NOL10: variants seen among roughly 807,000 people sequenced by gnomAD.
NOL10 encodes H_NH0074G24.1.
Under a neutral mutation model 103.5 loss-of-function variants are expected in NOL10, and 58 were observed. The observed-to-expected ratio is 0.56, with a 90% confidence interval of 0.45 to 0.70. The LOEUF is 0.70. NOL10 is among the 30% of genes least tolerant of loss of function. The probability of loss-of-function intolerance (pLI) is 0.00; values close to 1 mark genes in which losing one functional copy is unlikely to be tolerated. For synonymous variants in NOL10, 287 were observed against 282.5 expected, an observed-to-expected ratio of 1.02 and a Z score of -0.16; for missense variants, 763 against 807.3, an observed-to-expected ratio of 0.95 and a Z score of 0.67.
intron 5 of NOL10, among the ~76,000 whole-genome samples, chr2:10,672,060 G>A (rs1463500194): frequency 6.6e-6 from 1 of 152,154 alleles, no homozygotes; most frequent in African/African-American, 2.4e-5. Context: ...GGGCATGGTG[G>A]CTCACACCTG....
At chr2:10,639,232 C>G (rs1419016155) in intron 13 of NOL10, among the ~76,000 whole-genome samples, 1 of 152,102 alleles carries the variant, frequency 6.6e-6, no homozygotes, top group Non-Finnish European at 1.5e-5. Context: ...ACTATCCTGG[C>G]TAACACAGTG....
intron 12 of NOL10, among the ~76,000 whole-genome samples, chr2:10,649,041 A>T (rs555580323): frequency 2.6e-5 from 4 of 152,196 alleles, no homozygotes; most frequent in Non-Finnish European, 5.9e-5. Flanking sequence ...TGGATGTAAG[A>T]TAATATTAGA....
At chr2:10,635,331 T>A (rs1678129602) in intron 13 of NOL10, among the ~76,000 whole-genome samples, 1 of 152,208 alleles carries the variant, frequency 6.6e-6, no homozygotes, top group Non-Finnish European at 1.5e-5. Context: ...ACGTTCTCTA[T>A]CGGCCAACAT....
chr2:10,658,971 T>C (rs1224403531), intron 10 of NOL10, among the ~76,000 whole-genome samples: 1 of 152,122 alleles, frequency 6.6e-6, no homozygotes, highest in Non-Finnish European at 1.5e-5. Context: ...ACTGCAGCTC[T>C]AAGTCCACAG....
At chr2:10,592,857 T>G (rs1675461488) in intron 17 of NOL10, among the ~76,000 whole-genome samples, 1 of 152,200 alleles carries the variant, frequency 6.6e-6, no homozygotes, top group South Asian at 2.1e-4. Flanking sequence ...AGTCTGTTTG[T>G]TTTCACAGCT....
chr2:10,603,010 T>C (rs1676061824), intron 15 of NOL10, 68 bp downstream of exon 15: 1 of 1,315,738 alleles, frequency 7.6e-7, no homozygotes, highest in East Asian at 2.4e-5. Context: ...AAAGTGCGAG[T>C]AGTGAGGAAA....
intron 16 of NOL10, among the ~76,000 whole-genome samples, chr2:10,602,391 T>C (rs1194972314): frequency 2.0e-5 from 3 of 152,210 alleles, no homozygotes; most frequent in Non-Finnish European, 4.4e-5. Context: ...CTGTCGACCA[T>C]TTCCCATGAT....
intron 13 of NOL10, among the ~76,000 whole-genome samples, chr2:10,609,795 G>C (rs904645537): frequency 6.6e-6 from 1 of 152,072 alleles, no homozygotes; most frequent in Non-Finnish European, 1.5e-5. Flanking sequence ...TTCTTTTCTA[G>C]ACGAGATCAA....
At chr2:10,583,837 A>G (rs1239005427) in intron 19 of NOL10, among the ~76,000 whole-genome samples, 1 of 152,166 alleles carries the variant, frequency 6.6e-6, no homozygotes, top group African/African-American at 2.4e-5. Context: ...TCTAAAATGG[A>G]GATATTCTGC....
intron 12 of NOL10, among the ~76,000 whole-genome samples, chr2:10,647,188 A>ATGCAGTGCACT (rs1553308508): frequency 6.6e-6 from 1 of 150,524 alleles, no homozygotes; most frequent in Non-Finnish European, 1.5e-5. Context: ...TATAGTGTAT[A>ATGCAGTGCACT]GTACGCTGTA....
At chr2:10,660,102 C>A (rs1438147189) in intron 9 of NOL10, among the ~76,000 whole-genome samples, 1 of 152,128 alleles carries the variant, frequency 6.6e-6, no homozygotes. Context: ...CGTCCACATG[C>A]CCTTGGCCCA....
At chr2:10,680,342 G>A (rs893007516) in intron 3 of NOL10, among the ~76,000 whole-genome samples, 1 of 124,324 alleles carries the variant, frequency 8.0e-6, no homozygotes, top group African/African-American at 3.1e-5. Context: ...GGGAGAAGAG[G>A]GAGAGGGAGA....
At chr2:10,587,263 A>T (rs1429711628) in intron 19 of NOL10, among the ~76,000 whole-genome samples, 5 of 25,226 alleles carry the variant, frequency 2.0e-4, no homozygotes, top group South Asian at 1.2e-3. Flanking sequence ...ATATACACAT[A>T]TATATATATA....
At chr2:10,596,422 A>G (rs1675698331) in intron 17 of NOL10, among the ~76,000 whole-genome samples, 1 of 152,200 alleles carries the variant, frequency 6.6e-6, no homozygotes, top group South Asian at 2.1e-4. Context: ...TCCTGCAACT[A>G]GAAAGTCCCA....
intron 13 of NOL10, among the ~76,000 whole-genome samples, chr2:10,629,672 A>G (rs1324659994): frequency 6.6e-6 from 1 of 152,234 alleles, no homozygotes; most frequent in Non-Finnish European, 1.5e-5. Flanking sequence ...CTGTTTCAAT[A>G]GTCAATGGCA....
intron 19 of NOL10, among the ~76,000 whole-genome samples, chr2:10,583,378 C>T (rs369116091): frequency 1.3e-5 from 2 of 152,150 alleles, no homozygotes; most frequent in African/African-American, 4.8e-5. Flanking sequence ...TATACAATGA[C>T]GCTAAATCTC....
chr2:10,667,732 A>T (rs964466149), intron 7 of NOL10, among the ~76,000 whole-genome samples: 6 of 152,080 alleles, frequency 3.9e-5, no homozygotes, highest in Admixed American at 3.9e-4. Flanking sequence ...GGGGGTTGTT[A>T]TGGGGATTAA....
intron 13 of NOL10, chr2:10,634,508 G>C (rs1169394865): frequency 6.6e-6 from 3 of 456,552 alleles, no homozygotes; most frequent in African/African-American, 2.0e-5. Context: ...CATCCAAGTG[G>C]AGAAGCCGAG....
intron 17 of NOL10, among the ~76,000 whole-genome samples, chr2:10,596,106 T>C (rs1283610526): frequency 1.3e-5 from 2 of 152,026 alleles, no homozygotes; most frequent in Non-Finnish European, 2.9e-5. Context: ...TTAATATAAG[T>C]TCTCAGTGGT....
Sources: allele counts gnomAD v4.1 joint callset (sites outside exome capture counted in the v4.1 genomes callset), GRCh38; gene constraint gnomAD v4.1.1; transcripts MANE v1.5; gene names NCBI Gene and HGNC (gene_info 2026-07-23, HGNC 2026-07-21).